EHBP1: variants seen among roughly 807,000 people sequenced by gnomAD.
EHBP1 encodes EH domain-binding protein 1.
EHBP1 carries 55 observed loss-of-function variants against 144.0 expected under a neutral mutation model. That is an observed-to-expected ratio of 0.38 (90% CI 0.31 to 0.48). The LOEUF (loss-of-function observed/expected upper bound fraction) is 0.48. Ranked by LOEUF, EHBP1 falls within the 20% of genes least tolerant of loss-of-function variation. The pLI is 0.98. For synonymous variants in EHBP1, 469 were observed against 472.7 expected (o/e 0.99, Z 0.10); for missense variants, 1,200 against 1,364.2 (o/e 0.88, Z 1.90).
intron 14 of EHBP1, among the ~76,000 whole-genome samples, chr2:62,978,699 A>C (rs947402853): frequency 1.3e-5 from 2 of 152,102 alleles, no homozygotes; most frequent in African/African-American, 4.8e-5. Flanking sequence ...AACTATCCCT[A>C]CTCTTACTCT....
intron 10 of EHBP1, among the ~76,000 whole-genome samples, chr2:62,926,541 T>C (rs1005363782): frequency 2.0e-5 from 3 of 152,074 alleles, no homozygotes; most frequent in African/African-American, 7.2e-5. Flanking sequence ...TATTTCTCAA[T>C]AGAAGACATA....
At chr2:62,735,820 C>T (rs1242471035) in intron 2 of EHBP1, among the ~76,000 whole-genome samples, 1 of 151,878 alleles carries the variant, frequency 6.6e-6, no homozygotes, top group Non-Finnish European at 1.5e-5. Flanking sequence ...GGTTTTTTTT[C>T]TCTCAACACT....
At chr2:62,795,912 A>G (rs1215462600) in intron 5 of EHBP1, among the ~76,000 whole-genome samples, 3 of 152,012 alleles carry the variant, frequency 2.0e-5, no homozygotes, top group African/African-American at 7.2e-5. Flanking sequence ...ACTTGATTTT[A>G]TGCTCTAAGA....
At chr2:62,766,827 T>C (rs2041227657) in intron 4 of EHBP1, among the ~76,000 whole-genome samples, 1 of 152,092 alleles carries the variant, frequency 6.6e-6, no homozygotes, top group African/African-American at 2.4e-5. Flanking sequence ...TATTTGGATT[T>C]AGAACTACTG....
chr2:62,992,314 A>G (rs186118959), intron 16 of EHBP1, among the ~76,000 whole-genome samples: 7 of 152,332 alleles, frequency 4.6e-5, no homozygotes, highest in African/African-American at 1.7e-4. Context: ...CTATATGGCT[A>G]GGATATTATA....
At chr2:63,021,730 C>T (rs539803597) in intron 19 of EHBP1, among the ~76,000 whole-genome samples, 1 of 152,128 alleles carries the variant, frequency 6.6e-6, no homozygotes, top group South Asian at 2.1e-4. Context: ...AGGGTGCAAG[C>T]TCTGTTCCGA....
intron 2 of EHBP1, among the ~76,000 whole-genome samples, chr2:62,741,680 A>G (rs143696511): frequency 1.3e-3 from 200 of 152,252 alleles, no homozygotes; most frequent in Non-Finnish European, 1.2e-3. Flanking sequence ...ATGAGAGCTA[A>G]TTCCCGGTCT....
rs531227487 is a variant in EHBP1, at chr2:62,807,953, G to A, written c.313-18134G>A. Among the ~76,000 whole-genome samples the A allele has an allele frequency of 3.9e-5, 6 of 151,998 alleles. No homozygotes were observed. The South Asian group carries it at 6.2e-4, about 16-fold the overall frequency. On this transcript the variant is annotated intron_variant, in intron 5 of 22. Transcript: ENST00000431489. The stretch of plus-strand genomic sequence containing the variant: ...TAGATATGCCGAACTGGACAATGAA[G>A]CTCAACCCTGTAATCCCAGCACTTT...
chr2:62,933,848 CATATG>C lies in EHBP1; in HGVS notation c.1186-8865_1186-8861del, dbSNP rs1400514349. Among the ~76,000 whole-genome samples the C allele has an allele frequency of 1.9e-4, 29 of 152,112 alleles. 1 individual carries two copies. Among genetic ancestry groups the C allele is most frequent in the Admixed American group, 1.6e-3 (25 of 15,264 alleles). ...GATTTTAAATTTACATAAATGGAAT[CATATG>C]ATATATGCATGTTTGTACCTGTTTT... On this transcript the variant is annotated intron_variant, in intron 10 of 22. Coordinates refer to ENST00000431489, the MANE Select transcript of EHBP1 (RefSeq NM_001142616.3).
At chr2:62,862,304 G>A (rs1355718482) in intron 8 of EHBP1, among the ~76,000 whole-genome samples, 1 of 152,102 alleles carries the variant, frequency 6.6e-6, no homozygotes, top group Non-Finnish European at 1.5e-5. Context: ...TACGTGGTTT[G>A]ACTTTAAAAT....
At chr2:62,720,500 C>A (rs1349564624) in intron 2 of EHBP1, among the ~76,000 whole-genome samples, 1 of 152,132 alleles carries the variant, frequency 6.6e-6, no homozygotes, top group Admixed American at 6.6e-5. Context: ...TCTCCAAAAT[C>A]ATTAAATGCA....
chr2:62,678,657 A>T (rs2033401642), intron 1 of EHBP1, among the ~76,000 whole-genome samples: 1 of 152,152 alleles, frequency 6.6e-6, no homozygotes, highest in Non-Finnish European at 1.5e-5. Flanking sequence ...CTTTATTATT[A>T]AAAGTTATAA....
At chr2:62,884,490 G>A (rs2051749149) in intron 10 of EHBP1, among the ~76,000 whole-genome samples, 1 of 152,174 alleles carries the variant, frequency 6.6e-6, no homozygotes. Flanking sequence ...ACCAGGTATG[G>A]ACGCTTGGCA....
chr2:62,699,628 A>G (rs986932185), intron 1 of EHBP1, among the ~76,000 whole-genome samples: 1 of 152,246 alleles, frequency 6.6e-6, no homozygotes, highest in African/African-American at 2.4e-5. Context: ...GTATTTAGTT[A>G]GTCCACAAAG....
chr2:62,724,205 T>C (rs1172300475), intron 2 of EHBP1, among the ~76,000 whole-genome samples: 2 of 152,246 alleles, frequency 1.3e-5, no homozygotes, highest in African/African-American at 4.8e-5. Flanking sequence ...TGTCTGACTG[T>C]CTTATTTCAG....
At chr2:62,897,600 G>C (rs1250224022) in intron 10 of EHBP1, among the ~76,000 whole-genome samples, 2 of 152,114 alleles carry the variant, frequency 1.3e-5, no homozygotes, top group African/African-American at 2.4e-5. Flanking sequence ...TGTATCTCTA[G>C]TTCCCACTTT....
At chr2:62,956,223 A>G (rs566084847) in intron 14 of EHBP1, 1 of 152,310 alleles carries the variant, frequency 6.6e-6, no homozygotes, top group East Asian at 1.9e-4. Flanking sequence ...GTACTAAACC[A>G]CATTTTTATA....
intron 10 of EHBP1, among the ~76,000 whole-genome samples, chr2:62,889,636 C>T (rs1450724448): frequency 2.0e-5 from 3 of 152,118 alleles, no homozygotes; most frequent in Non-Finnish European, 2.9e-5. Flanking sequence ...TATCACAGCA[C>T]CATTTATTGA....
intron 3 of EHBP1, among the ~76,000 whole-genome samples, chr2:62,750,614 A>G (rs2039599384): frequency 6.6e-6 from 1 of 152,194 alleles, no homozygotes; most frequent in African/African-American, 2.4e-5. Flanking sequence ...CCTATCCATG[A>G]GCGTGGAATG....
Sources: allele counts gnomAD v4.1 joint callset (sites outside exome capture counted in the v4.1 genomes callset), GRCh38; gene constraint gnomAD v4.1.1; transcripts MANE v1.5; gene names NCBI Gene and HGNC (gene_info 2026-07-23, HGNC 2026-07-21).